ROBO2: variants seen among roughly 807,000 people sequenced by gnomAD.
ROBO2 encodes roundabout homolog 2.
ROBO2 carries 53 observed loss-of-function variants against 160.8 expected under a neutral mutation model. The observed-to-expected ratio is 0.33, with a 90% CI of 0.26 to 0.41. The LOEUF (loss-of-function observed/expected upper bound fraction) is 0.41, where lower values mean the gene tolerates loss of function less well. Among genes scored for constraint, ROBO2 ranks in the 10% least tolerant of loss-of-function variants. The probability of loss-of-function intolerance (pLI) is 1.00; values close to 1 mark genes in which losing one functional copy is unlikely to be tolerated. For synonymous variants in ROBO2, 664 were observed against 611.7 expected (o/e 1.09, Z -1.26); for missense variants, 1,577 against 1,722.4 (o/e 0.92, Z 1.49).
intron 2 of ROBO2, among the ~76,000 whole-genome samples, chr3:76,493,776 C>T (rs897081452): frequency 1.3e-5 from 2 of 152,046 alleles, no homozygotes; most frequent in Admixed American, 6.6e-5. Flanking sequence ...TGTACCTCTG[C>T]GAGGCACTGA....
chr3:77,505,825 GAATCCA>G (rs528943143), intron 5 of ROBO2, among the ~76,000 whole-genome samples: 58 of 152,168 alleles, frequency 3.8e-4, no homozygotes, highest in African/African-American at 1.2e-3. Context: ...AGAGAGATTT[GAATCCA>G]AATCCAAATC....
chr3:76,638,863 G>A (rs1009441656), intron 2 of ROBO2, among the ~76,000 whole-genome samples: 1 of 152,086 alleles, frequency 6.6e-6, no homozygotes, highest in African/African-American at 2.4e-5. Flanking sequence ...AAACATATTG[G>A]TTTCTTTTCT....
chr3:77,530,964 A>T (rs1013738563), intron 6 of ROBO2, among the ~76,000 whole-genome samples: 35 of 151,982 alleles, frequency 2.3e-4, no homozygotes, highest in Non-Finnish European at 2.1e-4. Flanking sequence ...GCCTAAAAAT[A>T]AAAAAAGAAC....
chr3:76,457,883 G>T (rs952998529), intron 2 of ROBO2, among the ~76,000 whole-genome samples: 2 of 152,118 alleles, frequency 1.3e-5, no homozygotes, highest in South Asian at 2.1e-4. Flanking sequence ...TTCAGCCATG[G>T]TTGGTTGGGG....
chr3:76,255,961 A>G (rs1325790894), intron 2 of ROBO2, among the ~76,000 whole-genome samples: 2 of 152,070 alleles, frequency 1.3e-5, no homozygotes, highest in Non-Finnish European at 2.9e-5. Flanking sequence ...ATACTTTCTT[A>G]TAGATATTTG....
At chr3:76,346,813 T>C (rs1302213336) in intron 2 of ROBO2, among the ~76,000 whole-genome samples, 4 of 152,206 alleles carry the variant, frequency 2.6e-5, no homozygotes, top group African/African-American at 9.6e-5. Context: ...CCTGATATAC[T>C]CACTGAGTGA....
intron 2 of ROBO2, among the ~76,000 whole-genome samples, chr3:76,606,887 G>A (rs1400607910): frequency 6.6e-6 from 1 of 151,816 alleles, no homozygotes; most frequent in African/African-American, 2.4e-5. Flanking sequence ...AATCATTATG[G>A]TGTGTATTTT....
At chr3:76,455,082 A>G (rs1351456803) in intron 2 of ROBO2, among the ~76,000 whole-genome samples, 3 of 152,172 alleles carry the variant, frequency 2.0e-5, no homozygotes, top group African/African-American at 7.2e-5. Context: ...TGTTTAAGAA[A>G]AACATAAAGT....
chr3:76,039,226 A>G (rs1238711683), intron 2 of ROBO2, among the ~76,000 whole-genome samples: 3 of 152,084 alleles, frequency 2.0e-5, no homozygotes, highest in East Asian at 3.9e-4. Flanking sequence ...GAAAGAGACA[A>G]AGAGTAAGGA....
chr3:76,274,332 T>G (rs966614941), intron 2 of ROBO2, among the ~76,000 whole-genome samples: 1 of 151,306 alleles, frequency 6.6e-6, no homozygotes, highest in African/African-American at 2.5e-5. Flanking sequence ...ACATGTACCC[T>G]AAAACTTAAA....
chr3:77,053,007 G>A (rs1039362199), intron 1 of ROBO2, among the ~76,000 whole-genome samples: 1 of 152,098 alleles, frequency 6.6e-6, no homozygotes, highest in African/African-American at 2.4e-5. Context: ...GTATCTATAG[G>A]CTGGTTCAGC....
intron 2 of ROBO2, among the ~76,000 whole-genome samples, chr3:76,926,287 A>G (rs959190160): frequency 2.6e-5 from 4 of 152,314 alleles, no homozygotes; most frequent in Admixed American, 2.6e-4. Context: ...ATCCTTTTAC[A>G]TAAAAGCGTG....
At chr3:76,821,351 C>T (rs1249935890) in intron 2 of ROBO2, among the ~76,000 whole-genome samples, 1 of 151,930 alleles carries the variant, frequency 6.6e-6, no homozygotes. Flanking sequence ...ATTAAGTTTA[C>T]AGATAAGAAT....
chr3:76,468,702 A>G (rs1327166697), intron 2 of ROBO2, among the ~76,000 whole-genome samples: 2 of 151,996 alleles, frequency 1.3e-5, no homozygotes, highest in African/African-American at 4.8e-5. Context: ...TCTTCCCTTT[A>G]TTGATAGCCC....
chr3:77,040,602 G>A lies in ROBO2; in HGVS notation c.-184G>A. Reference sequence around the variant, plus strand: ...CCTCTGTTAATTTGGATGGATCTCAGTGTGCCCCGTTCGAGACCTCTCCAC... The same window carrying A: ...CCTCTGTTAATTTGGATGGATCTCAATGTGCCCCGTTCGAGACCTCTCCAC... On this transcript the variant is annotated 5_prime_UTR_variant, in exon 1 of 26. The change creates a new upstream start codon in the 5' untranslated region. Coordinates refer to ENST00000461745, the Ensembl canonical transcript of ROBO2. The A allele has an allele frequency of 4.1e-6, 6 of 1,457,488 alleles. No homozygotes were observed. The South Asian group carries it at 4.4e-5, about 11-fold the overall frequency. 90.3% of individuals were successfully genotyped at this position (1,457,488 alleles called of 1,614,324 possible).
At chr3:77,350,554 GA>G (rs2068216323) in intron 2 of ROBO2, among the ~76,000 whole-genome samples, 1 of 152,112 alleles carries the variant, frequency 6.6e-6, no homozygotes, top group Non-Finnish European at 1.5e-5. Flanking sequence ...AGCAGGCTCT[GA>G]AGGAGGCTCC....
intron 24 of ROBO2, among the ~76,000 whole-genome samples, chr3:77,640,881 T>C (rs2095341840): frequency 6.6e-6 from 1 of 152,250 alleles, no homozygotes; most frequent in African/African-American, 2.4e-5. Flanking sequence ...TGAAGCTATA[T>C]AATTTTAGGT....
At chr3:76,303,504 C>T (rs939776149) in intron 2 of ROBO2, among the ~76,000 whole-genome samples, 4 of 151,944 alleles carry the variant, frequency 2.6e-5, no homozygotes, top group African/African-American at 9.7e-5. Flanking sequence ...AATGCACGCA[C>T]CCAGGTCCTA....
intron 2 of ROBO2, among the ~76,000 whole-genome samples, chr3:76,726,788 T>C (rs542903222): frequency 1.3e-5 from 2 of 152,294 alleles, no homozygotes; most frequent in South Asian, 4.1e-4. Context: ...CTGACAAATA[T>C]ATAAAAGAGT....
Sources: allele counts gnomAD v4.1 joint callset (sites outside exome capture counted in the v4.1 genomes callset), GRCh38; gene constraint gnomAD v4.1.1; transcripts MANE v1.5; gene names NCBI Gene and HGNC (gene_info 2026-07-23, HGNC 2026-07-21).